CALN1: variants seen among roughly 807,000 people sequenced by gnomAD.
CALN1 encodes the protein calneuron 1.
CALN1 carries 17 observed loss-of-function variants against 30.6 expected under a neutral mutation model. The ratio of observed to expected loss-of-function variants is 0.56; its 90% CI spans 0.38 to 0.83. The LOEUF is 0.83. Ranked by LOEUF, CALN1 falls within the 40% of genes least tolerant of loss-of-function variation. The probability of loss-of-function intolerance (pLI) is 0.00; values close to 1 mark genes in which losing one functional copy is unlikely to be tolerated. For missense variants in CALN1, 291 were observed against 354.9 expected (o/e 0.82, Z 1.45); for synonymous variants, 156 against 131.4 (o/e 1.19, Z -1.28).
intron 5 of CALN1, among the ~76,000 whole-genome samples, chr7:71,954,715 A>G (rs142133145): frequency 6.6e-6 from 1 of 152,308 alleles, no homozygotes; most frequent in Non-Finnish European, 1.5e-5. Context: ...GGTGGTCATC[A>G]GTGACCTCCA....
intron 4 of CALN1, among the ~76,000 whole-genome samples, chr7:72,033,524 A>G (rs1169929705): frequency 6.6e-6 from 1 of 152,214 alleles, no homozygotes; most frequent in Non-Finnish European, 1.5e-5. Context: ...AAAGTCAGGA[A>G]CGCAGGGTCC....
intron 6 of CALN1, among the ~76,000 whole-genome samples, chr7:71,791,975 C>T (rs1466842571): frequency 6.6e-6 from 1 of 151,866 alleles, no homozygotes; most frequent in Admixed American, 6.6e-5. Context: ...CGCGCCACTG[C>T]ACTCCAGTCT....
At position 72,337,204 on chromosome 7, in the gene CALN1, C is replaced by T. The variant is rs545912251; in HGVS notation, c.120-58394G>A. On this transcript the variant is annotated intron_variant, in intron 2 of 6. Transcript: ENST00000395275. ...CCTCCCCAGCTCCTCCCCAGCGGAT[C>T]CCCCAGGGCCTTGCCGCCGACAGCA... 15 of 985,268 alleles carry T rather than the reference C, an allele frequency of 1.5e-5. No homozygotes were observed. In the African/African-American group the frequency reaches 1.7e-4, roughly 11 times the overall value. The allele number at this position is 985,268 out of a possible 1,614,324, so 61.0% of individuals were successfully genotyped here.
chr7:72,415,631 AAAC>A (rs556625584), upstream of CALN1, among the ~76,000 whole-genome samples: 311 of 152,378 alleles, frequency 2.0e-3, no homozygotes, highest in African/African-American at 7.1e-3. Context: ...AAACAAGAAG[AAAC>A]AACAACAAAC....
At chr7:72,503,315 T>C in the CALN1 span, among the ~76,000 whole-genome samples, 2 of 151,994 alleles carry the variant, frequency 1.3e-5, no homozygotes, top group African/African-American at 4.8e-5. Flanking sequence ...CCAATGTTCC[T>C]AAGCCAAACT....
At chr7:71,832,843 T>C (rs1404637416) in intron 5 of CALN1, among the ~76,000 whole-genome samples, 1 of 151,792 alleles carries the variant, frequency 6.6e-6, no homozygotes, top group Non-Finnish European at 1.5e-5. Context: ...TGAGTTCTGG[T>C]GATCCACCCG....
intron 2 of CALN1, among the ~76,000 whole-genome samples, chr7:72,350,082 T>C (rs560975971): frequency 6.6e-5 from 10 of 152,348 alleles, no homozygotes; most frequent in Admixed American, 4.6e-4. Context: ...TTAGGTTTTA[T>C]GTTTAAGCCT....
At chr7:72,259,083 T>G (rs568318640) in intron 3 of CALN1, among the ~76,000 whole-genome samples, 12 of 150,334 alleles carry the variant, frequency 8.0e-5, no homozygotes, top group Non-Finnish European at 1.8e-4. Flanking sequence ...TCCATTTCAA[T>G]TTAAAATATA....
At chr7:72,302,386 A>G (rs1001961497) in intron 2 of CALN1, among the ~76,000 whole-genome samples, 2 of 152,242 alleles carry the variant, frequency 1.3e-5, no homozygotes, top group African/African-American at 4.8e-5. Flanking sequence ...ATTAAACTGC[A>G]CATCAGCATC....
chr7:71,948,289 C>G (rs997765859), intron 5 of CALN1, among the ~76,000 whole-genome samples: 2 of 152,066 alleles, frequency 1.3e-5, no homozygotes, highest in Non-Finnish European at 2.9e-5. Context: ...GCAAAGGTCC[C>G]TTTTTGATCA....
At chr7:71,938,688 G>A (rs987336698) in intron 5 of CALN1, among the ~76,000 whole-genome samples, 11 of 152,006 alleles carry the variant, frequency 7.2e-5, no homozygotes, top group East Asian at 1.9e-4. Flanking sequence ...ACAGCTACTC[G>A]GGAGCCTGAG....
At chr7:72,268,298 C>T (rs1364976796) in intron 3 of CALN1, among the ~76,000 whole-genome samples, 1 of 151,778 alleles carries the variant, frequency 6.6e-6, no homozygotes, top group Non-Finnish European at 1.5e-5. Context: ...AGCAGGGGAT[C>T]GTGTGGAGGG....
chr7:72,043,692 G>A (rs1428642518), intron 4 of CALN1, among the ~76,000 whole-genome samples: 1 of 152,152 alleles, frequency 6.6e-6, no homozygotes, highest in East Asian at 1.9e-4. Flanking sequence ...GATCGCTTGA[G>A]CCCAGGAGTT....
chr7:71,820,272 G>A (rs1584293222), intron 5 of CALN1, among the ~76,000 whole-genome samples: 1 of 152,168 alleles, frequency 6.6e-6, no homozygotes, highest in South Asian at 2.1e-4. Context: ...CCTATGACCT[G>A]GAAGCTCCCC....
intron 3 of CALN1, among the ~76,000 whole-genome samples, chr7:72,167,102 GAGA>G (rs1403744287): frequency 6.6e-6 from 1 of 152,044 alleles, no homozygotes; most frequent in Non-Finnish European, 1.5e-5. Context: ...ATAAAAGAAG[GAGA>G]AGAAGTAAAA....
chr7:72,277,945 T>A (rs1193640348), intron 3 of CALN1, among the ~76,000 whole-genome samples: 1 of 142,482 alleles, frequency 7.0e-6, no homozygotes, highest in African/African-American at 2.6e-5. Flanking sequence ...GATTCTGGTT[T>A]GACCTCAGCC....
At chr7:72,075,801 A>G (rs1333535984) in intron 4 of CALN1, among the ~76,000 whole-genome samples, 1 of 152,156 alleles carries the variant, frequency 6.6e-6, no homozygotes, top group Non-Finnish European at 1.5e-5. Flanking sequence ...CCCTCAGGCC[A>G]TGGGAGGTTA....
chr7:72,321,278 T>C (rs779558276), intron 2 of CALN1, among the ~76,000 whole-genome samples: 22 of 152,188 alleles, frequency 1.4e-4, no homozygotes, highest in Non-Finnish European at 2.8e-4. Flanking sequence ...GACACTGACA[T>C]GCTGAGACAG....
intron 3 of CALN1, among the ~76,000 whole-genome samples, chr7:72,148,920 G>C: frequency 1.2e-5 from 1 of 82,054 alleles, no homozygotes. Context: ...AAAAAAGAAA[G>C]AAAGAAAGAA....
Sources: allele counts gnomAD v4.1 joint callset (sites outside exome capture counted in the v4.1 genomes callset), GRCh38; gene constraint gnomAD v4.1.1; transcripts MANE v1.5; gene names NCBI Gene and HGNC (gene_info 2026-07-23, HGNC 2026-07-21).